SGCD: variants seen among roughly 807,000 people sequenced by gnomAD.
SGCD encodes the protein sarcoglycan delta.
SGCD carries 18 observed loss-of-function variants against 36.6 expected under a neutral mutation model. The observed-to-expected ratio is 0.49, with a 90% CI of 0.34 to 0.73. The LOEUF is 0.73. Ranked by LOEUF, SGCD falls within the 30% of genes least tolerant of loss-of-function variation. SGCD has a pLI of 0.01. For missense variants in SGCD, 387 were observed against 346.7 expected (o/e 1.12, Z -0.92); for synonymous variants, 133 against 130.6 (o/e 1.02, Z -0.12).
chr5:156,047,698 C>A (rs993314949), intron 1 of SGCD, among the ~76,000 whole-genome samples: 1 of 152,070 alleles, frequency 6.6e-6, no homozygotes, highest in Non-Finnish European at 1.5e-5. Flanking sequence ...ATGCACCTGG[C>A]CATACAAGAG....
chr5:156,150,189 G>T (rs1254933229), intron 3 of SGCD, among the ~76,000 whole-genome samples: 1 of 147,760 alleles, frequency 6.8e-6, no homozygotes, highest in Non-Finnish European at 1.5e-5. Context: ...TACTCTTTTT[G>T]CAACTCCTTT....
chr5:156,270,351 C>T (rs189667479), intron 3 of SGCD, among the ~76,000 whole-genome samples: 50 of 152,280 alleles, frequency 3.3e-4, no homozygotes, highest in African/African-American at 1.1e-3. Context: ...GCTATTCAAG[C>T]TCTTTTTTGG....
At chr5:156,365,911 CATAT>C (rs34244807) in intron 3 of SGCD, among the ~76,000 whole-genome samples, 1 of 151,862 alleles carries the variant, frequency 6.6e-6, no homozygotes, top group African/African-American at 2.4e-5. Context: ...TGTGTATACA[CATAT>C]ATACATGTAA....
At chr5:156,674,093 G>A (rs767552273) in intron 7 of SGCD, among the ~76,000 whole-genome samples, 7 of 152,210 alleles carry the variant, frequency 4.6e-5, no homozygotes, top group Non-Finnish European at 7.3e-5. Context: ...AGCAGAAGGC[G>A]TTAGGCTTCT....
At chr5:155,832,231 G>T in the SGCD span, among the ~76,000 whole-genome samples, 1 of 152,188 alleles carries the variant, frequency 6.6e-6, no homozygotes, top group Non-Finnish European at 1.5e-5. Context: ...TGAGTGGCGA[G>T]TGGCAGGTCA....
At chr5:156,301,715 G>A (rs1254444300) in intron 3 of SGCD, among the ~76,000 whole-genome samples, 1 of 151,686 alleles carries the variant, frequency 6.6e-6, no homozygotes, top group East Asian at 1.9e-4. Flanking sequence ...AAATTCCTCA[G>A]CTTTTGTTTG....
At chr5:155,840,338 G>A in the SGCD span, among the ~76,000 whole-genome samples, 1 of 150,860 alleles carries the variant, frequency 6.6e-6, no homozygotes, top group African/African-American at 2.4e-5. Context: ...CCACCTCCTA[G>A]GTTCAAGCCA....
Position 156,507,356 on chromosome 5 carries a change from A to C in SGCD, c.193-1245A>C, listed in dbSNP as rs567513998. On this transcript the variant is annotated intron_variant, in intron 3 of 8. Transcript: ENST00000337851. ...AAGTGAGGCCATGAGCCCAGGAGCC[A>C]GAAAGAGAAAGGAAATTGATTCTCC... is the stretch of plus-strand genomic sequence containing the variant. 1.2e-4 allele frequency among the ~76,000 whole-genome samples: 18 copies of C among 152,342 alleles called. 1 individual carries two copies. The South Asian group carries it at 3.3e-3, about 28-fold the overall frequency.
At chr5:155,949,938 C>T (rs1757518318) in intron 1 of SGCD, among the ~76,000 whole-genome samples, 1 of 152,192 alleles carries the variant, frequency 6.6e-6, no homozygotes, top group Admixed American at 6.6e-5. Context: ...TACATCCTTC[C>T]TTCTTCCCAT....
In SGCD at chr5:156,585,236, T is replaced by C. The variant is rs944393732; in HGVS notation, c.295-3995T>C. On this transcript the variant is annotated intron_variant, in intron 4 of 8. Coordinates refer to ENST00000337851, the MANE Select transcript of SGCD (RefSeq NM_000337.6). ...AAAAAATTTCAAAACAATAGAAATC[T>C]ACCCAAGCATATTTATAAAAAGAGA... 2.0e-5 allele frequency among the ~76,000 whole-genome samples: 3 copies of C among 152,262 alleles called. No homozygotes were observed. The East Asian group carries it at 5.8e-4, about 29-fold the overall frequency.
intron 3 of SGCD, among the ~76,000 whole-genome samples, chr5:156,276,857 A>G (rs568614183): frequency 2.0e-4 from 30 of 152,348 alleles, no homozygotes; most frequent in African/African-American, 7.2e-4. Context: ...TAAATGTACC[A>G]ATATTTACAT....
At chr5:155,776,070 G>T in the SGCD span, among the ~76,000 whole-genome samples, 1 of 152,110 alleles carries the variant, frequency 6.6e-6, no homozygotes, top group Non-Finnish European at 1.5e-5. Context: ...CTTCTGACTA[G>T]GTTCAGAAAT....
intron 1 of SGCD, among the ~76,000 whole-genome samples, chr5:155,893,639 C>T (rs1756184576): frequency 6.6e-6 from 1 of 152,194 alleles, no homozygotes; most frequent in South Asian, 2.1e-4. Flanking sequence ...AGGGCACTTA[C>T]CTGACATCTT....
chr5:155,787,201 A>G, the SGCD span, among the ~76,000 whole-genome samples: 5 of 152,250 alleles, frequency 3.3e-5, 1 homozygote, highest in African/African-American at 1.2e-4. Flanking sequence ...ACTCACCATG[A>G]TTTAGAACAT....
intron 6 of SGCD, among the ~76,000 whole-genome samples, chr5:156,619,879 G>C (rs1405360834): frequency 6.6e-6 from 1 of 152,090 alleles, no homozygotes. Context: ...CTCTACTTTT[G>C]CCAGGTACTG....
chr5:155,830,339 G>A, the SGCD span, among the ~76,000 whole-genome samples: 2 of 101,226 alleles, frequency 2.0e-5, no homozygotes, highest in African/African-American at 5.9e-5. Context: ...GTATACACTC[G>A]TGGTGTCTCC....
chr5:156,652,980 T>C (rs1763519597), intron 7 of SGCD, among the ~76,000 whole-genome samples: 1 of 152,170 alleles, frequency 6.6e-6, no homozygotes, highest in African/African-American at 2.4e-5. Context: ...TTTGATGTGC[T>C]GTGGGATTTT....
chr5:156,020,425 T>A (rs1371213143), intron 1 of SGCD, among the ~76,000 whole-genome samples: 1 of 152,222 alleles, frequency 6.6e-6, no homozygotes, highest in Admixed American at 6.5e-5. Flanking sequence ...CTGCTTCATA[T>A]TTTTAACAGC....
At chr5:156,391,645 A>G (rs569322643) in intron 3 of SGCD, among the ~76,000 whole-genome samples, 1 of 152,342 alleles carries the variant, frequency 6.6e-6, no homozygotes, top group East Asian at 1.9e-4. Context: ...AAATGTGTGT[A>G]TATTATATAC....
Sources: allele counts gnomAD v4.1 joint callset (sites outside exome capture counted in the v4.1 genomes callset), GRCh38; gene constraint gnomAD v4.1.1; transcripts MANE v1.5; gene names NCBI Gene and HGNC (gene_info 2026-07-23, HGNC 2026-07-21).